FGF14: variants seen among roughly 807,000 people sequenced by gnomAD.
FGF14 encodes the protein fibroblast growth factor 14.
A neutral mutation model predicts 25.5 loss-of-function variants in FGF14; 5 were observed. The ratio of observed to expected loss-of-function variants is 0.20; its 90% CI spans 0.10 to 0.41. FGF14 has a LOEUF of 0.41. FGF14 is among the 10% of genes least tolerant of loss of function. The pLI, the probability that FGF14 is intolerant of heterozygous loss-of-function variation, is 1.00. For synonymous variants in FGF14, 138 were observed against 118.3 expected (o/e 1.17, Z -1.08); for missense variants, 222 against 320.1 (o/e 0.69, Z 2.34).
At chr13:102,221,647 G>A (rs2050619067) in intron 1 of FGF14, among the ~76,000 whole-genome samples, 1 of 142,614 alleles carries the variant, frequency 7.0e-6, no homozygotes, top group African/African-American at 2.6e-5. Context: ...CACACACACA[G>A]ATTTTAAGTG....
chr13:102,043,745 C>A (rs1461943836), intron 1 of FGF14, among the ~76,000 whole-genome samples: 2 of 152,150 alleles, frequency 1.3e-5, no homozygotes, highest in Non-Finnish European at 1.5e-5. Context: ...CCTTTCCTTC[C>A]CACGGTTCCA....
At chr13:101,763,161 T>C (rs1054503235) in intron 3 of FGF14, among the ~76,000 whole-genome samples, 3 of 151,484 alleles carry the variant, frequency 2.0e-5, no homozygotes, top group African/African-American at 4.8e-5. Flanking sequence ...TAGAGTGTGA[T>C]GAAGTGAAAG....
At chr13:102,263,478 G>A (rs770216398) in intron 1 of FGF14, among the ~76,000 whole-genome samples, 18 of 152,118 alleles carry the variant, frequency 1.2e-4, no homozygotes, top group Admixed American at 3.9e-4. Flanking sequence ...AATAGAGACA[G>A]TACCTAATAT....
intron 1 of FGF14, among the ~76,000 whole-genome samples, chr13:102,216,323 C>T (rs376732368): frequency 6.6e-6 from 1 of 152,074 alleles, no homozygotes; most frequent in Admixed American, 6.6e-5. Flanking sequence ...TTAACCAAGT[C>T]GCTCAACTCT....
intron 1 of FGF14, among the ~76,000 whole-genome samples, chr13:102,069,878 TGGGTGGATCACCTGGC>T (rs1307736074): frequency 6.6e-6 from 1 of 152,120 alleles, no homozygotes; most frequent in Non-Finnish European, 1.5e-5. Context: ...GAGGCTGAGG[TGGGTGGATCACCTGGC>T]GGGTGGAACT....
At chr13:101,869,584 T>C (rs911432713) in intron 2 of FGF14, among the ~76,000 whole-genome samples, 1 of 152,210 alleles carries the variant, frequency 6.6e-6, no homozygotes, top group African/African-American at 2.4e-5. Flanking sequence ...GCATCAGTCT[T>C]AGAGATAACT....
At chr13:101,920,001 G>A (rs189981630), upstream of FGF14, among the ~76,000 whole-genome samples, 756 of 152,246 alleles carry the variant, frequency 5.0e-3, 3 homozygotes, top group South Asian at 0.022. Flanking sequence ...TTGGAGAGGG[G>A]GGCAGCATTG....
At chr13:102,200,405 C>T (rs990285473) in intron 1 of FGF14, among the ~76,000 whole-genome samples, 5 of 152,064 alleles carry the variant, frequency 3.3e-5, no homozygotes, top group African/African-American at 1.2e-4. Context: ...TAAAGGACAG[C>T]AATTCTTTTC....
At chr13:102,114,499 A>C (rs978452122) in intron 1 of FGF14, among the ~76,000 whole-genome samples, 1 of 152,178 alleles carries the variant, frequency 6.6e-6, no homozygotes, top group African/African-American at 2.4e-5. Context: ...TCTGGAAGAG[A>C]TATCTGCATT....
intron 1 of FGF14, among the ~76,000 whole-genome samples, chr13:102,112,235 G>A (rs1183120792): frequency 6.6e-6 from 1 of 152,164 alleles, no homozygotes; most frequent in Non-Finnish European, 1.5e-5. Context: ...GTCAGGCTTC[G>A]AGCCCAGGTA....
intron 3 of FGF14, among the ~76,000 whole-genome samples, chr13:101,775,242 C>G (rs1219242151): frequency 6.6e-6 from 1 of 152,076 alleles, no homozygotes. Context: ...TAGAACAGTT[C>G]TTAATTTACT....
upstream of FGF14, among the ~76,000 whole-genome samples, chr13:101,917,550 A>T (rs1309017301): frequency 6.6e-6 from 1 of 151,788 alleles, no homozygotes; most frequent in Non-Finnish European, 1.5e-5. Flanking sequence ...TTACCGGTGC[A>T]CTGAAACTCT....
At position 102,276,351 on chromosome 13, in the gene FGF14, GTGTATATA is replaced by G. The variant is rs1180477179; in HGVS notation, c.208+125112_208+125119del. On this transcript the variant is annotated intron_variant, in intron 1 of 4. Coordinates refer to the FGF14 transcript ENST00000376131. ...CACGTACGTGTGTGTGTGTGTGTGT[GTGTATATA>G]TATATATATATATATATATATACAC... Among the ~76,000 whole-genome samples, 62 of 41,650 alleles carry G rather than the reference GTGTATATA, an allele frequency of 1.5e-3. 1 individual carries two copies. The highest frequency in any genetic ancestry group is 3.3e-3 in the East Asian group (2 of 604). 27.3% of individuals were successfully genotyped at this position (41,650 alleles called of 152,430 possible). A position where few individuals can be genotyped will look rare whatever the true frequency, so the allele number is the denominator to read the frequency against.
intron 1 of FGF14, among the ~76,000 whole-genome samples, chr13:102,242,225 C>T (rs2141031849): frequency 6.6e-6 from 1 of 152,202 alleles, no homozygotes; most frequent in East Asian, 1.9e-4. Flanking sequence ...TCAGGCAATA[C>T]AGAAAATATT....
chr13:102,090,750 A>G (rs1472833668), intron 1 of FGF14, among the ~76,000 whole-genome samples: 1 of 152,200 alleles, frequency 6.6e-6, no homozygotes, highest in African/African-American at 2.4e-5. Context: ...GTCCATTCCA[A>G]AAAAAGATCA....
intron 1 of FGF14, among the ~76,000 whole-genome samples, chr13:101,944,181 C>A (rs954248627): frequency 2.6e-5 from 4 of 152,066 alleles, no homozygotes; most frequent in African/African-American, 9.7e-5. Flanking sequence ...AATACTTAAA[C>A]TTTCCAAGCC....
At chr13:102,398,013 AGTGTGTGTGTGTGTGTGTGTGTGT>A (rs3067869) in intron 1 of FGF14, among the ~76,000 whole-genome samples, 1 of 147,152 alleles carries the variant, frequency 6.8e-6, no homozygotes, top group African/African-American at 2.5e-5. Context: ...GACATTTAAG[AGTGTGTGTGTGTGTGTGTGTGTGT>A]GTGTGTGTGT....
chr13:102,139,565 A>G (rs1056214430), intron 1 of FGF14, among the ~76,000 whole-genome samples: 1 of 152,156 alleles, frequency 6.6e-6, no homozygotes, highest in Non-Finnish European at 1.5e-5. Flanking sequence ...CATATGTCCT[A>G]TGAGCAATGC....
At chr13:102,368,932 T>A (rs1214986491) in intron 1 of FGF14, among the ~76,000 whole-genome samples, 5 of 152,200 alleles carry the variant, frequency 3.3e-5, no homozygotes, top group African/African-American at 9.6e-5. Context: ...ATAATAATAA[T>A]TTTTTAAAGC....
Sources: allele counts gnomAD v4.1 joint callset (sites outside exome capture counted in the v4.1 genomes callset), GRCh38; gene constraint gnomAD v4.1.1; transcripts MANE v1.5; gene names NCBI Gene and HGNC (gene_info 2026-07-23, HGNC 2026-07-21).